CAMKMT: variants seen among roughly 807,000 people sequenced by gnomAD.
CAMKMT encodes the protein CaM KMT.
CAMKMT carries 53 observed loss-of-function variants against 48.0 expected under a neutral mutation model. The observed-to-expected ratio is 1.10, with a 90% CI of 0.89 to 1.39. The LOEUF is 1.39. CAMKMT is among the 40% of genes most tolerant of loss of function. The pLI, the probability that CAMKMT is intolerant of heterozygous loss-of-function variation, is 0.00. For synonymous variants in CAMKMT, 165 were observed against 152.3 expected, an observed-to-expected ratio of 1.08 and a Z score of -0.61; for missense variants, 428 against 402.7, an observed-to-expected ratio of 1.06 and a Z score of -0.54.
chr2:44,549,593 T>A (rs1027579870), intron 3 of CAMKMT: 1 of 688,340 alleles, frequency 1.5e-6, no homozygotes, highest in African/African-American at 1.8e-5. Flanking sequence ...TGGAGTGCAG[T>A]GGTGATCATA....
At chr2:44,763,494 A>T (rs984062197) in intron 9 of CAMKMT, among the ~76,000 whole-genome samples, 12 of 152,232 alleles carry the variant, frequency 7.9e-5, no homozygotes, top group Admixed American at 3.3e-4. Context: ...TGTGCTAGGC[A>T]CTGAGAAAAC....
intron 3 of CAMKMT, among the ~76,000 whole-genome samples, chr2:44,665,163 C>T (rs1238588186): frequency 8.6e-5 from 13 of 152,044 alleles, no homozygotes; most frequent in African/African-American, 2.7e-4. Context: ...CTCTGCCTCC[C>T]GGGTTCAAGC....
chr2:44,751,237 C>T (rs1159332436), intron 8 of CAMKMT, among the ~76,000 whole-genome samples: 1 of 152,172 alleles, frequency 6.6e-6, no homozygotes, highest in Non-Finnish European at 1.5e-5. Flanking sequence ...CTGATGACCT[C>T]CGTCTTTTGC....
At position 44,616,410 on chromosome 2, in the gene CAMKMT, C is replaced by A. The variant is rs563562400; in HGVS notation, c.377-87873C>A. Among the ~76,000 whole-genome samples, 35 of 152,306 alleles carry A rather than the reference C, an allele frequency of 2.3e-4. 1 individual carries two copies. The South Asian group carries it at 6.8e-3, about 30-fold the overall frequency. On this transcript the variant is annotated intron_variant, in intron 3 of 10. Coordinates refer to ENST00000378494, the MANE Select transcript of CAMKMT (RefSeq NM_024766.5). ...AAGAGCTCTAGTGACTACTTTGTTC[C>A]TTTGTTGTCTCTAATTTTAATATTC...
intron 3 of CAMKMT, among the ~76,000 whole-genome samples, chr2:44,534,617 C>T (rs764286639): frequency 1.3e-5 from 2 of 152,010 alleles, no homozygotes; most frequent in Non-Finnish European, 2.9e-5. Flanking sequence ...AATTAAACAA[C>T]GTGCTCCTGA....
rs749196279 is a variant in CAMKMT, at chr2:44,538,954, GTGTC to G, written c.376+148653_376+148656del. Among the ~76,000 whole-genome samples, 468 of 90,152 alleles carry G rather than the reference GTGTC, an allele frequency of 5.2e-3. 2 individuals are homozygous for G. The highest frequency in any genetic ancestry group is 7.2e-3 in the Non-Finnish European group (357 of 49,302). The allele number at this position is 90,152 out of a possible 152,430, so 59.1% of individuals were successfully genotyped here. The stretch of plus-strand genomic sequence containing the variant: ...TTTCTTTCTCTCTCTTTCTGTGTGT[GTGTC>G]TGTGTGTGTGTGTGTGTGTGTGTGT... On this transcript the variant is annotated intron_variant, in intron 3 of 10. Transcript: ENST00000378494.
intron 3 of CAMKMT, among the ~76,000 whole-genome samples, chr2:44,697,911 A>C (rs1265358234): frequency 1.3e-5 from 2 of 152,166 alleles, no homozygotes; most frequent in Non-Finnish European, 2.9e-5. Context: ...TAGCTAAAAG[A>C]GTTGAAAGTA....
At chr2:44,417,052 G>A (rs924047990) in intron 3 of CAMKMT, among the ~76,000 whole-genome samples, 1 of 152,014 alleles carries the variant, frequency 6.6e-6, no homozygotes, top group Admixed American at 6.6e-5. Context: ...TCCTACCTTA[G>A]CCTCCTGGGT....
intron 3 of CAMKMT, among the ~76,000 whole-genome samples, chr2:44,683,716 G>A (rs7586254): frequency 0.022 from 3,351 of 150,886 alleles, 133 homozygotes; most frequent in African/African-American, 0.077. Context: ...CCAGCTACTC[G>A]GGAGGCTGAG....
intron 1 of CAMKMT, among the ~76,000 whole-genome samples, chr2:44,363,373 C>G (rs1361949562): frequency 6.6e-6 from 1 of 151,938 alleles, no homozygotes; most frequent in Admixed American, 6.6e-5. Flanking sequence ...CTCAACCCCC[C>G]TTCCCCCCTC....
At chr2:44,698,708 G>A (rs995469612) in intron 3 of CAMKMT, among the ~76,000 whole-genome samples, 3 of 152,180 alleles carry the variant, frequency 2.0e-5, no homozygotes, top group African/African-American at 7.2e-5. Context: ...GGTGGCTGTG[G>A]CAATTTCTTA....
chr2:44,509,108 AT>A (rs1405075841), intron 3 of CAMKMT, among the ~76,000 whole-genome samples: 3 of 151,220 alleles, frequency 2.0e-5, no homozygotes, highest in Non-Finnish European at 4.4e-5. Context: ...AAAAAAAAAA[AT>A]TATATGTCTT....
chr2:44,559,693 A>T (rs936584434), intron 3 of CAMKMT, among the ~76,000 whole-genome samples: 1 of 152,138 alleles, frequency 6.6e-6, no homozygotes, highest in Non-Finnish European at 1.5e-5. Context: ...TTACTGGAGG[A>T]TAATTATGGA....
intron 3 of CAMKMT, among the ~76,000 whole-genome samples, chr2:44,405,285 C>T (rs971238839): frequency 2.6e-5 from 4 of 152,008 alleles, no homozygotes; most frequent in African/African-American, 9.7e-5. Flanking sequence ...AACTTGAAAA[C>T]AGTCTGACAG....
At chr2:44,683,226 T>C in intron 3 of CAMKMT, among the ~76,000 whole-genome samples, 1 of 139,450 alleles carries the variant, frequency 7.2e-6, no homozygotes, top group East Asian at 2.0e-4. Flanking sequence ...AAAAAAAAAA[T>C]GATTTAATTG....
intron 3 of CAMKMT, among the ~76,000 whole-genome samples, chr2:44,661,879 T>C (rs1175350324): frequency 2.6e-5 from 4 of 152,198 alleles, no homozygotes; most frequent in African/African-American, 4.8e-5. Flanking sequence ...AAGTGTCAAC[T>C]ACTATCTCTA....
chr2:44,524,281 G>C (rs1418694904), intron 3 of CAMKMT, among the ~76,000 whole-genome samples: 6 of 152,064 alleles, frequency 3.9e-5, no homozygotes, highest in Admixed American at 3.9e-4. Flanking sequence ...TAAAATTCAA[G>C]GATAATACAG....
intron 3 of CAMKMT, among the ~76,000 whole-genome samples, chr2:44,517,289 C>T (rs1428470169): frequency 6.6e-6 from 1 of 152,052 alleles, no homozygotes; most frequent in Non-Finnish European, 1.5e-5. Context: ...TGTCTGGAAA[C>T]AATCTGTGTC....
At chr2:44,741,049 G>T (rs1679649535) in intron 7 of CAMKMT, among the ~76,000 whole-genome samples, 1 of 152,194 alleles carries the variant, frequency 6.6e-6, no homozygotes, top group South Asian at 2.1e-4. Flanking sequence ...TTACTGATCT[G>T]CAAGGAGATA....
Sources: gnomAD v4.1 joint callset for allele counts (sites outside exome capture counted in the v4.1 genomes callset) on GRCh38, gnomAD v4.1.1 for gene constraint, MANE v1.5 for transcripts, NCBI Gene and HGNC (gene_info 2026-07-23, HGNC 2026-07-21) for gene names.